SUV39H2: variants seen among roughly 807,000 people sequenced by gnomAD.
SUV39H2 encodes the protein SUV39H2 histone lysine methyltransferase, also known as histone-lysine N-methyltransferase SUV39H2.
SUV39H2 carries 10 observed loss-of-function variants against 47.5 expected under a neutral mutation model. That is an observed-to-expected ratio of 0.21 (90% CI 0.13 to 0.36). SUV39H2 has a LOEUF of 0.36. SUV39H2 is among the 10% of genes least tolerant of loss of function. The pLI, the probability that SUV39H2 is intolerant of heterozygous loss-of-function variation, is 1.00. For synonymous variants in SUV39H2, 159 were observed against 166.8 expected (o/e 0.95, Z 0.36); for missense variants, 266 against 487.4 (o/e 0.55, Z 4.28).
chr10:14,896,340 T>C (rs1379746258), intron 2 of SUV39H2, among the ~76,000 whole-genome samples: 1 of 152,224 alleles, frequency 6.6e-6, no homozygotes, highest in Non-Finnish European at 1.5e-5. Flanking sequence ...TATTGGATAG[T>C]TCATCTCTAG....
At chr10:14,888,929 C>A (rs1042856034) in intron 2 of SUV39H2, among the ~76,000 whole-genome samples, 1 of 152,142 alleles carries the variant, frequency 6.6e-6, no homozygotes. Flanking sequence ...CATGGAGAAA[C>A]CCTGTCTCTA....
chr10:14,881,225 C>G (rs192160274), intron 1 of SUV39H2, among the ~76,000 whole-genome samples: 1 of 152,276 alleles, frequency 6.6e-6, no homozygotes, highest in East Asian at 1.9e-4. Flanking sequence ...AGCTTACAGA[C>G]ATGAAACATT....
intron 4 of SUV39H2, among the ~76,000 whole-genome samples, chr10:14,900,565 A>G (rs1034501393): frequency 6.6e-6 from 1 of 152,366 alleles, no homozygotes; most frequent in African/African-American, 2.4e-5. Flanking sequence ...TATTCTATCC[A>G]GGGCCATCAA....
intron 2 of SUV39H2, among the ~76,000 whole-genome samples, chr10:14,894,529 G>T (rs1480488169): frequency 8.9e-6 from 1 of 112,470 alleles, no homozygotes; most frequent in Non-Finnish European, 1.7e-5. Context: ...CACCACGCCC[G>T]GCTAATTTTT....
chr10:14,879,182 C>A (rs961893530), intron 1 of SUV39H2: 1 of 1,122,990 alleles, frequency 8.9e-7, no homozygotes, highest in Non-Finnish European at 1.1e-6. Context: ...CCTCTCCGCC[C>A]GCTCGGCCCG....
intron 2 of SUV39H2, among the ~76,000 whole-genome samples, chr10:14,890,347 T>C (rs1033223095): frequency 2.0e-5 from 3 of 152,192 alleles, no homozygotes; most frequent in African/African-American, 7.2e-5. Flanking sequence ...ACTATAATAG[T>C]TCTCAGACTA....
chr10:14,888,519 C>A (rs1181363262), intron 2 of SUV39H2, among the ~76,000 whole-genome samples: 2 of 151,970 alleles, frequency 1.3e-5, no homozygotes, highest in East Asian at 3.9e-4. Flanking sequence ...GCCTATAATC[C>A]CAGCTGCTTG....
At chr10:14,879,146 TG>T in intron 1 of SUV39H2, 1 of 1,218,394 alleles carries the variant, frequency 8.2e-7, no homozygotes, top group Non-Finnish European at 1.0e-6. Flanking sequence ...TGTCCGAGCC[TG>T]GGGCACTTCG....
rs566400734 is a variant in SUV39H2, at chr10:14,902,550, T to C, written c.*38T>C. Reference sequence around the variant, plus strand: ...AATAGAGCTGATGATTATAATATTTTTTTCCTAATGTTAACATTTTTAAAA... The same window carrying C: ...AATAGAGCTGATGATTATAATATTTCTTTCCTAATGTTAACATTTTTAAAA... On this transcript the variant is annotated 3_prime_UTR_variant, in exon 6 of 6. Coordinates refer to ENST00000354919, the MANE Select transcript of SUV39H2 (RefSeq NM_001193424.2). 6.0e-6 allele frequency: 8 copies of C among 1,330,970 alleles called. No individual in the cohort carries two copies. The South Asian group carries it at 1.0e-4, about 17-fold the overall frequency. The allele number at this position is 1,330,970 out of a possible 1,614,324, so 82.4% of individuals were successfully genotyped here.
intron 2 of SUV39H2, among the ~76,000 whole-genome samples, chr10:14,882,955 C>G (rs1833085017): frequency 6.6e-6 from 1 of 151,944 alleles, no homozygotes; most frequent in Admixed American, 6.6e-5. Flanking sequence ...GCAACCTCCA[C>G]CTCCTGGGTT....
intron 5 of SUV39H2, 79 bp from the exon 6 acceptor site, chr10:14,902,327 T>C (rs1834082049): frequency 3.1e-6 from 3 of 955,944 alleles, no homozygotes; most frequent in Non-Finnish European, 4.7e-6. Context: ...ATAATAAAGC[T>C]AATATAATAG....
In SUV39H2 at chr10:14,879,104, G is replaced by A. The variant is rs1042163995; in HGVS notation, c.31+185G>A. 23 of 1,270,008 alleles carry A rather than the reference G, an allele frequency of 1.8e-5. 1 individual carries two copies. In the Admixed American group the frequency reaches 4.3e-4, roughly 24 times the overall value. The allele number at this position is 1,270,008 out of a possible 1,614,324, so 78.7% of individuals were successfully genotyped here. On this transcript the variant is annotated intron_variant, in intron 1 of 5. Coordinates refer to ENST00000354919, the MANE Select transcript of SUV39H2 (RefSeq NM_001193424.2). Reference sequence around the variant, plus strand: ...CCCCAGGCCGCTGACCCGCCTCCCTGCCCGGCCGGCTCCCGCCGCGGAGGT... The same window carrying A: ...CCCCAGGCCGCTGACCCGCCTCCCTACCCGGCCGGCTCCCGCCGCGGAGGT...
chr10:14,884,534 C>G (rs1833145206), intron 2 of SUV39H2, among the ~76,000 whole-genome samples: 1 of 152,094 alleles, frequency 6.6e-6, no homozygotes, highest in Admixed American at 6.5e-5. Context: ...TGGAATCATA[C>G]TTCATATAGT....
At chr10:14,884,155 G>T (rs1215176986) in intron 2 of SUV39H2, among the ~76,000 whole-genome samples, 1 of 152,192 alleles carries the variant, frequency 6.6e-6, no homozygotes. Context: ...ACAGGGTTCT[G>T]TGTGGACATA....
chr10:14,886,261 C>T (rs771280214), intron 2 of SUV39H2, among the ~76,000 whole-genome samples: 5 of 152,144 alleles, frequency 3.3e-5, no homozygotes, highest in East Asian at 3.8e-4. Context: ...TTCCCTGGAC[C>T]GCAAAATCCT....
Sources: allele counts gnomAD v4.1 joint callset (sites outside exome capture counted in the v4.1 genomes callset), GRCh38; gene constraint gnomAD v4.1.1; transcripts MANE v1.5; gene names NCBI Gene and HGNC (gene_info 2026-07-23, HGNC 2026-07-21).